SEM1: variants seen among roughly 807,000 people sequenced by gnomAD.
SEM1 encodes the protein SEM1 26S proteasome subunit.
In SEM1, 3 loss-of-function variants were observed where a neutral mutation model predicts 12.7. The ratio of observed to expected loss-of-function variants is 0.24; its 90% confidence interval spans 0.11 to 0.61. The LOEUF is 0.61. SEM1 is among the 20% of genes least tolerant of loss of function. The pLI is 0.88. For synonymous variants in SEM1, 30 were observed against 27.8 expected (o/e 1.08, Z -0.25); for missense variants, 59 against 81.3 (o/e 0.73, Z 1.06).
chr7:96,709,045 C>G (rs530063004), intron 1 of SEM1, among the ~76,000 whole-genome samples: 2 of 152,098 alleles, frequency 1.3e-5, no homozygotes, highest in Non-Finnish European at 2.9e-5. Context: ...GAACTCCTGA[C>G]CTTATGTGAT....
rs188956768 is a variant in SEM1, at chr7:96,581,189, A to G, written c.171-74491T>C. ...GATCCAGTTTCAGCTTTCTACATAC[A>G]GCTAGCCAGTTTTCCCAGCACCATT... On this transcript the variant is annotated intron_variant and NMD_transcript_variant, in intron 2 of 3. Transcript: ENST00000466986. Among the ~76,000 whole-genome samples, 542 of 152,084 alleles carry G rather than the reference A, an allele frequency of 3.6e-3. 1 individual carries two copies. The highest frequency in any genetic ancestry group is 5.9e-3 in the Non-Finnish European group (404 of 67,912).
At chr7:96,663,589 C>T (rs980994538) in intron 2 of SEM1, among the ~76,000 whole-genome samples, 1 of 152,206 alleles carries the variant, frequency 6.6e-6, no homozygotes, top group Non-Finnish European at 1.5e-5. Flanking sequence ...GCTTCAGTAC[C>T]TCCACCATGC....
intron 2 of SEM1, among the ~76,000 whole-genome samples, chr7:96,524,428 G>GTTTTA (rs1157609929): frequency 9.9e-5 from 15 of 152,060 alleles, no homozygotes; most frequent in Admixed American, 5.2e-4. Flanking sequence ...GGTACTGGAT[G>GTTTTA]TTTTATTTTA....
At position 96,522,722 on chromosome 7, in the gene SEM1, A is replaced by ACCC. The variant is rs112781467; in HGVS notation, c.171-16027_171-16025dup. Among the ~76,000 whole-genome samples the ACCC allele has an allele frequency of 6.0e-3, 718 of 120,642 alleles. 13 individuals are homozygous for ACCC. Among genetic ancestry groups the ACCC allele is most frequent in the African/African-American group, 0.02 (681 of 33,474 alleles). The allele number at this position is 120,642 out of a possible 152,430, so 79.1% of individuals were successfully genotyped here. A position where few individuals can be genotyped will look rare whatever the true frequency, so the allele number is the denominator to read the frequency against. ...GAGAAACCCCGTCTCTACTAAAAATACCCCCCCCCCAAAAAAAAATTAGCC... is the reference window on the plus strand; with the variant it reads ...GAGAAACCCCGTCTCTACTAAAAATACCCCCCCCCCCCCAAAAAAAAATTAGCC... On this transcript the variant is annotated intron_variant and NMD_transcript_variant, in intron 2 of 3. Coordinates refer to the SEM1 transcript ENST00000466986.
chr7:96,684,767 A>T (rs1231468192), downstream of SEM1, among the ~76,000 whole-genome samples: 1 of 152,116 alleles, frequency 6.6e-6, no homozygotes, highest in Admixed American at 6.6e-5. Context: ...TCAGACATGG[A>T]GAGGTAATCA....
chr7:96,693,620 G>A (rs1789994496), intron 2 of SEM1, among the ~76,000 whole-genome samples: 1 of 151,970 alleles, frequency 6.6e-6, no homozygotes, highest in South Asian at 2.1e-4. Context: ...TTTTGGCAAG[G>A]ATGTGGAGAG....
At chr7:96,622,149 G>A (rs1286805429), downstream of SEM1, 1 of 154,566 alleles carries the variant, frequency 6.5e-6, no homozygotes, top group African/African-American at 2.4e-5. Flanking sequence ...GCCTGTTGAT[G>A]TTTCCTTATC....
At chr7:96,556,442 G>A (rs377132875) in intron 2 of SEM1, among the ~76,000 whole-genome samples, 31 of 151,928 alleles carry the variant, frequency 2.0e-4, no homozygotes, top group African/African-American at 5.6e-4. Flanking sequence ...TTTCTCCTTC[G>A]CTTATGAAGC....
In SEM1 at chr7:96,625,032, G is replaced by T. The variant is rs545106256; in HGVS notation, c.171-2389C>A. ...CCTAAGTGAAAACGTTATTTATCAG[G>T]ACTCTATGTTGCTTGAAAAACAACT... On this transcript the variant is annotated intron_variant, in intron 2 of 2. Coordinates refer to the SEM1 transcript ENST00000417009. Among the ~76,000 whole-genome samples the T allele has an allele frequency of 2.0e-5, 3 of 152,178 alleles. No individual in the cohort carries two copies. In the South Asian group the frequency reaches 6.2e-4, roughly 32 times the overall value.
chr7:96,697,903 A>G (rs894200512), intron 1 of SEM1, among the ~76,000 whole-genome samples: 1 of 152,150 alleles, frequency 6.6e-6, no homozygotes, highest in Non-Finnish European at 1.5e-5. Flanking sequence ...GGTTATCATA[A>G]TGCAAACACC....
chr7:96,648,622 G>A (rs1016280741), intron 2 of SEM1, among the ~76,000 whole-genome samples: 1 of 152,170 alleles, frequency 6.6e-6, no homozygotes. Flanking sequence ...AGAGAATACT[G>A]TAGTCAAGAG....
intron 2 of SEM1, among the ~76,000 whole-genome samples, chr7:96,693,763 T>A (rs1177996822): frequency 6.9e-6 from 1 of 144,490 alleles, no homozygotes; most frequent in Non-Finnish European, 1.5e-5. Context: ...ATTCCACTTG[T>A]GTGTGTGTGT....
At chr7:96,533,284 A>G (rs977599149) in intron 2 of SEM1, among the ~76,000 whole-genome samples, 2 of 151,968 alleles carry the variant, frequency 1.3e-5, no homozygotes, top group Non-Finnish European at 2.9e-5. Flanking sequence ...CCTTGGCTCC[A>G]TTGCTAGTTG....
Position 96,706,046 on chromosome 7 carries a change from G to A in SEM1, c.76+3642C>T, listed in dbSNP as rs76825184. 2.4e-3 allele frequency among the ~76,000 whole-genome samples: 367 copies of A among 152,174 alleles called. 2 individuals are homozygous for A. Among genetic ancestry groups the A allele is most frequent in the African/African-American group, 8.5e-3 (352 of 41,512 alleles). ...TAAAGGCTGTTCTAAATCAGTTTAA[G>A]TAGTCAAGAAGTTGGAGGCTGTATA... is the stretch of plus-strand genomic sequence containing the variant. On this transcript the variant is annotated intron_variant, in intron 1 of 2. Coordinates refer to ENST00000248566, the MANE Select transcript of SEM1 (RefSeq NM_006304.2).
chr7:96,685,800 A>G (rs1789745807), downstream of SEM1, among the ~76,000 whole-genome samples: 1 of 151,874 alleles, frequency 6.6e-6, no homozygotes, highest in African/African-American at 2.4e-5. Flanking sequence ...AAAAAAAAAA[A>G]AATTGATTGA....
At chr7:96,581,611 T>C (rs1318463207) in intron 2 of SEM1, among the ~76,000 whole-genome samples, 1 of 152,220 alleles carries the variant, frequency 6.6e-6, no homozygotes, top group Non-Finnish European at 1.5e-5. Context: ...GAGCATGGAA[T>C]GTTCTTCCAT....
intron 1 of SEM1, among the ~76,000 whole-genome samples, chr7:96,704,645 A>G (rs1215378812): frequency 1.3e-5 from 2 of 152,214 alleles, no homozygotes; most frequent in Non-Finnish European, 2.9e-5. Context: ...TTTTAGTAAC[A>G]TGAGTTCTCC....
chr7:96,566,612 G>A (rs62471404), intron 2 of SEM1, among the ~76,000 whole-genome samples: 46,947 of 151,198 alleles, frequency 0.31, 7,298 homozygotes, highest in Middle Eastern at 0.32. Flanking sequence ...TGAATTTATA[G>A]TATTCTATTG....
chr7:96,537,394 A>G (rs1804818847), intron 2 of SEM1, among the ~76,000 whole-genome samples: 1 of 151,632 alleles, frequency 6.6e-6, no homozygotes. Context: ...TCAACTTTCT[A>G]ACTTCTTTCT....
Sources: allele counts gnomAD v4.1 joint callset (sites outside exome capture counted in the v4.1 genomes callset), GRCh38; gene constraint gnomAD v4.1.1; transcripts MANE v1.5; gene names NCBI Gene and HGNC (gene_info 2026-07-23, HGNC 2026-07-21).